USP24: variants seen among roughly 807,000 people sequenced by gnomAD.
USP24 encodes the protein ubiquitin specific peptidase 24, also known as ubiquitin carboxyl-terminal hydrolase 24.
Under a neutral mutation model 361.6 loss-of-function variants are expected in USP24, and 97 were observed. That is an observed-to-expected ratio of 0.27 (90% CI 0.23 to 0.32). The LOEUF is 0.32. USP24 is among the 10% of genes least tolerant of loss of function. The probability of loss-of-function intolerance (pLI) is 1.00; values close to 1 mark genes in which losing one functional copy is unlikely to be tolerated. For missense variants in USP24, 2,353 were observed against 3,165.6 expected (o/e 0.74, Z 6.16); for synonymous variants, 1,098 against 1,124.6 (o/e 0.98, Z 0.47).
At chr1:55,077,114 C>A (rs1645044959) in intron 62 of USP24, 121 bp downstream of exon 62, 1 of 975,462 alleles carries the variant, frequency 1.0e-6, no homozygotes, top group Non-Finnish European at 1.4e-6. Flanking sequence ...AAGATTTGGT[C>A]TCAATAAATG....
At chr1:55,213,328 G>A (rs148972536) in intron 1 of USP24, among the ~76,000 whole-genome samples, 264 of 152,320 alleles carry the variant, frequency 1.7e-3, no homozygotes, top group African/African-American at 6.0e-3. Flanking sequence ...CAACGATACA[G>A]CTAAGTTAGT....
chr1:55,162,362 A>G, intron 7 of USP24, 98 bp from the exon 8 acceptor site: 1 of 1,063,428 alleles, frequency 9.4e-7, no homozygotes, highest in Non-Finnish European at 1.3e-6. Flanking sequence ...AAAAGTTTAA[A>G]TAGTGAGTTG....
chr1:55,165,812 C>T (rs1379213659), intron 7 of USP24, 73 bp downstream of exon 7: 17 of 1,313,140 alleles, frequency 1.3e-5, no homozygotes, highest in Non-Finnish European at 1.7e-5. Flanking sequence ...ATGTCCAGAC[C>T]ATATCCTCTG....
At chr1:55,128,654 A>C (rs1646503882) in intron 32 of USP24, among the ~76,000 whole-genome samples, 1 of 148,292 alleles carries the variant, frequency 6.7e-6, no homozygotes, top group African/African-American at 2.5e-5. Flanking sequence ...CAATGTAACC[A>C]CTACTTTCTC....
intron 1 of USP24, among the ~76,000 whole-genome samples, chr1:55,201,097 A>T (rs1295571637): frequency 1.3e-5 from 2 of 152,336 alleles, no homozygotes; most frequent in Middle Eastern, 3.4e-3. Context: ...CTACAAAAAA[A>T]TTTATGCTAT....
chr1:55,070,052 G>A (rs902392750), intron 67 of USP24, among the ~76,000 whole-genome samples: 9 of 151,936 alleles, frequency 5.9e-5, no homozygotes, highest in African/African-American at 2.2e-4. Context: ...CCTTACAGAT[G>A]TAGGCAGAGA....
intron 38 of USP24, among the ~76,000 whole-genome samples, chr1:55,114,088 CA>C (rs1646034971): frequency 1.3e-5 from 2 of 152,138 alleles, no homozygotes; most frequent in African/African-American, 4.8e-5. Context: ...TGCAAAATCA[CA>C]AACATTCCTA....
chr1:55,078,467 A>C (rs1358048312), intron 61 of USP24, 71 bp downstream of exon 61: 1 of 1,240,826 alleles, frequency 8.1e-7, no homozygotes, highest in African/African-American at 1.5e-5. Context: ...ACTGCCTTGG[A>C]GCAAAAAGAT....
chr1:55,098,211 C>A (rs1236893085), intron 46 of USP24, 127 bp from the exon 47 acceptor site: 4 of 1,212,016 alleles, frequency 3.3e-6, no homozygotes, highest in Non-Finnish European at 4.4e-6. Context: ...TTTTAAAAGT[C>A]CATTACTAAG....
Position 55,097,723 on chromosome 1 carries a change from G to GAAA in USP24, c.5596-9_5596-7dup. ...GTCCTTTTCACTGTTATTCTCTAAA[G>GAAA]AAAAAAAAAAGGAAAAAGAGCAAAT... On this transcript the variant is annotated splice_polypyrimidine_tract_variant and splice_region_variant and intron_variant, in intron 47 of 67. Transcript: ENST00000294383. The GAAA allele has an allele frequency of 7.6e-7, 1 of 1,316,056 alleles. No homozygotes were observed. The highest frequency in any genetic ancestry group is 1.0e-6 in the Non-Finnish European group (1 of 995,970). 81.5% of individuals were successfully genotyped at this position (1,316,056 alleles called of 1,614,324 possible).
At chr1:55,072,454 G>A in intron 65 of USP24, 51 bp from the exon 66 acceptor site, 1 of 1,441,422 alleles carries the variant, frequency 6.9e-7, no homozygotes, top group Non-Finnish European at 9.6e-7. Flanking sequence ...AAGCCCCCAT[G>A]GGTTCACAGT....
chr1:55,092,241 G>T, intron 53 of USP24, 115 bp from the exon 54 acceptor site: 1 of 573,024 alleles, frequency 1.7e-6, no homozygotes, highest in Non-Finnish European at 2.9e-6. Context: ...ATACACACAT[G>T]ATAAAGTTAA....
chr1:55,215,036 G>T lies in USP24; in HGVS notation c.78C>A (p.Ala26=). The T allele has an allele frequency of 6.8e-7, 1 of 1,473,952 alleles. No individual in the cohort carries two copies. The allele number at this position is 1,473,952 out of a possible 1,614,324, so 91.3% of individuals were successfully genotyped here. A position where few individuals can be genotyped will look rare whatever the true frequency, so the allele number is the denominator to read the frequency against. ...GFSDPATIRK[A]LRLAKNDINE... ...TAATGTCGTTCTTGGCCAGGCGCAGGGCCTTGCGGATGGTGGCGGGGTCTG... is the reference window on the plus strand; with the variant it reads ...TAATGTCGTTCTTGGCCAGGCGCAGTGCCTTGCGGATGGTGGCGGGGTCTG... The change falls in exon 1 of 68, where the codon GCC becomes GCA. Residue 26 remains alanine (A), a synonymous_variant. Coordinates refer to ENST00000294383, the MANE Select transcript of USP24 (RefSeq NM_015306.3).
intron 36 of USP24, among the ~76,000 whole-genome samples, chr1:55,122,884 T>C (rs1449897111): frequency 6.6e-6 from 1 of 152,106 alleles, no homozygotes; most frequent in African/African-American, 2.4e-5. Context: ...AGGACAGTGG[T>C]ACAGGCCATA....
chr1:55,098,066 A>G lies in USP24; in HGVS notation c.5472T>C (p.Ala1824=). 6.2e-7 allele frequency: 1 copy of G among 1,607,724 alleles called. No homozygotes were observed. Among genetic ancestry groups the G allele is most frequent in the Non-Finnish European group, 8.5e-7 (1 of 1,178,118 alleles). Residue 1824 remains alanine (A), a synonymous_variant, in exon 47 of 68, where the codon GCT becomes GCC. Coordinates refer to ENST00000294383, the MANE Select transcript of USP24 (RefSeq NM_015306.3). ...TCACTCCTAGATTGAGAGCCATGAAAGCTTCTTCACGCTCATATCTGATTA... is the reference window on the plus strand; with the variant it reads ...TCACTCCTAGATTGAGAGCCATGAAGGCTTCTTCACGCTCATATCTGATTA... The part of the protein sequence containing the change: ...DCPHRYEREE[A]FMALNLGVTS...
At chr1:55,124,199 T>C (rs1646362128) in intron 35 of USP24, among the ~76,000 whole-genome samples, 2 of 152,226 alleles carry the variant, frequency 1.3e-5, no homozygotes, top group Non-Finnish European at 2.9e-5. Context: ...TTCATGACAC[T>C]TTTATACTCA....
In USP24 at chr1:55,068,641, CT is replaced by C. The variant is rs1412957251; in HGVS notation, c.*403del. On this transcript the variant is annotated 3_prime_UTR_variant, in exon 68 of 68. Transcript: ENST00000294383. ...AGATTAAAAATTTGCCCCCACATAT[CT>C]AAAAGCAGCTTGCTTTTTCTTAAAA... The C allele has an allele frequency of 5.7e-6, 1 of 174,042 alleles. No individual in the cohort carries two copies. Among genetic ancestry groups the C allele is most frequent in the Admixed American group, 6.2e-5 (1 of 16,056 alleles). The allele number at this position is 174,042 out of a possible 1,614,324, so 10.8% of individuals were successfully genotyped here. A position where few individuals can be genotyped will look rare whatever the true frequency, so the allele number is the denominator to read the frequency against.
At chr1:55,081,654 C>T (rs1176067715) in intron 58 of USP24, among the ~76,000 whole-genome samples, 1 of 152,168 alleles carries the variant, frequency 6.6e-6, no homozygotes, top group Non-Finnish European at 1.5e-5. Flanking sequence ...GTACTGAGTG[C>T]TTACAACGTG....
rs1351716402 is a variant in USP24, at chr1:55,097,074, C to T, written c.5814G>A (p.Gln1938=). The change falls in exon 49 of 68, where the codon CAG becomes CAA. Residue 1938 remains glutamine (Q), a synonymous_variant. Transcript: ENST00000294383. ...TTTTTCGTGGGGATCCTCCACCGCC[C>T]TGATCCACACTTCGCCCATTTTCCC... ...EVGENGRSVD[Q]GGGGSPRKKV... 22 of 1,613,666 alleles carry T rather than the reference C, an allele frequency of 1.4e-5. No individual in the cohort carries two copies. The highest frequency in any genetic ancestry group is 1.8e-5 in the Non-Finnish European group (21 of 1,179,866).
Sources: gnomAD v4.1 joint callset for allele counts (sites outside exome capture counted in the v4.1 genomes callset) on GRCh38, gnomAD v4.1.1 for gene constraint, MANE v1.5 for transcripts, NCBI Gene and HGNC (gene_info 2026-07-23, HGNC 2026-07-21) for gene names.